The following NFIC variants were observed in gnomAD, a reference collection of about 807,000 sequenced individuals.
The protein encoded by NFIC is nuclear factor 1 C-type.
In NFIC, 12 loss-of-function variants were observed where a neutral mutation model predicts 54.4. The observed-to-expected ratio is 0.22, with a 90% confidence interval of 0.14 to 0.36. The LOEUF is 0.36. Ranked by LOEUF, NFIC falls within the 10% of genes least tolerant of loss-of-function variation. The pLI, the probability that NFIC is intolerant of heterozygous loss-of-function variation, is 1.00. For synonymous variants in NFIC, 322 were observed against 319.2 expected, an observed-to-expected ratio of 1.01 and a Z score of -0.09; for missense variants, 575 against 718.2, an observed-to-expected ratio of 0.80 and a Z score of 2.28.
rs2082667485 is a variant in NFIC at position 3,463,258 on chromosome 19, C to T, written c.*489C>T. ...CCGACAGGCGCGACACCCAGCAAGG[C>T]CACCTCTCCCCGGGCCCCCGCGCCT... On this transcript the variant is annotated 3_prime_UTR_variant, in exon 11 of 11. Coordinates refer to ENST00000443272, the MANE Select transcript of NFIC (RefSeq NM_001245002.2). 1.0e-6 allele frequency: 1 copy of T among 991,072 alleles called. No individual in the cohort carries two copies. The highest frequency in any genetic ancestry group is 1.2e-6 in the Non-Finnish European group (1 of 834,122). 61.4% of individuals were successfully genotyped at this position (991,072 alleles called of 1,614,324 possible).
At chr19:3,446,014 C>A (rs2082368967) in intron 6 of NFIC, among the ~76,000 whole-genome samples, 1 of 152,034 alleles carries the variant, frequency 6.6e-6, no homozygotes, top group African/African-American at 2.4e-5. Flanking sequence ...CCTGCAGTGC[C>A]CAGGACAGCT....
At chr19:3,395,165 C>T (rs2081442432) in intron 2 of NFIC, among the ~76,000 whole-genome samples, 1 of 152,108 alleles carries the variant, frequency 6.6e-6, no homozygotes, top group African/African-American at 2.4e-5. Context: ...TCGAGACCAG[C>T]CTGGCCAACG....
intron 3 of NFIC, among the ~76,000 whole-genome samples, chr19:3,428,040 CATGCCTGTA>C (rs914732655): frequency 2.6e-5 from 4 of 151,520 alleles, no homozygotes; most frequent in African/African-American, 9.7e-5. Flanking sequence ...CGTGGAGGCA[CATGCCTGTA>C]ATCCCAGCTA....
intron 2 of NFIC, among the ~76,000 whole-genome samples, chr19:3,421,040 C>G (rs1271342369): frequency 6.6e-6 from 1 of 152,180 alleles, no homozygotes; most frequent in Non-Finnish European, 1.5e-5. Flanking sequence ...CATTCATTAC[C>G]ATCTTGTCCC....
At chr19:3,385,633 C>G (rs147718357) in intron 2 of NFIC, among the ~76,000 whole-genome samples, 2 of 141,780 alleles carry the variant, frequency 1.4e-5, no homozygotes, top group African/African-American at 5.3e-5. Context: ...AGTGCAATGA[C>G]GCAATCTTGG....
chr19:3,391,274 A>G (rs1454214233), intron 2 of NFIC, among the ~76,000 whole-genome samples: 1 of 152,064 alleles, frequency 6.6e-6, no homozygotes, highest in South Asian at 2.1e-4. Context: ...CCCACCAAAA[A>G]ATGGTAAATT....
At chr19:3,360,437 C>G (rs903847846) in intron 1 of NFIC, among the ~76,000 whole-genome samples, 20 of 151,480 alleles carry the variant, frequency 1.3e-4, no homozygotes, top group South Asian at 4.1e-4. Flanking sequence ...GGTGGCTGCA[C>G]TTGGGGTTCC....
rs574650424 is a variant in NFIC, at chr19:3,453,413, C to T, written c.1270-350C>T. ...GGCCGTGGATGATGGTGGATGATGG[C>T]GTGCTCGCAGTGAATTAGGAAAAAC... On this transcript the variant is annotated intron_variant, in intron 8 of 10. Transcript: ENST00000443272. This position sits in a 1 kb window ranked among gnomAD's most constrained non-coding sequence, Gnocchi z 6.7. 4.6e-4 allele frequency among the ~76,000 whole-genome samples: 70 copies of T among 152,244 alleles called. No individual in the cohort carries two copies. Among genetic ancestry groups the T allele is most frequent in the Non-Finnish European group, 8.4e-4 (57 of 68,022 alleles).
chr19:3,412,411 ATTTATT>A (rs958073771), intron 2 of NFIC, among the ~76,000 whole-genome samples: 2 of 152,112 alleles, frequency 1.3e-5, no homozygotes, highest in Admixed American at 6.6e-5. Flanking sequence ...TGCCCAGCTA[ATTTATT>A]TTTATTTTTA....
At chr19:3,374,977 C>T (rs996124679) in intron 1 of NFIC, among the ~76,000 whole-genome samples, 1 of 151,830 alleles carries the variant, frequency 6.6e-6, no homozygotes, top group Non-Finnish European at 1.5e-5. Flanking sequence ...CTGCCCGCCT[C>T]CCTGGCACCT....
intron 2 of NFIC, among the ~76,000 whole-genome samples, chr19:3,386,544 A>T (rs1006008607): frequency 2.6e-5 from 4 of 151,712 alleles, no homozygotes; most frequent in African/African-American, 9.7e-5. Flanking sequence ...GGTGGTCTGG[A>T]ACTCATGGCC....
rs2082720508 is a variant in NFIC at position 3,466,623 on chromosome 19, TG to T, written c.*3856del. The T allele has an allele frequency of 6.6e-6, 1 of 151,530 alleles. No homozygotes were observed. The highest frequency in any genetic ancestry group is 1.5e-5 in the Non-Finnish European group (1 of 67,944). 9.4% of individuals were successfully genotyped at this position (151,530 alleles called of 1,614,324 possible). ...TATGCATTGGCCAGAGAGCCCGGGC[TG>T]GCTGTGCACAGCATTCATGTAGCTG... On this transcript the variant is annotated 3_prime_UTR_variant, in exon 11 of 11. Transcript: ENST00000443272. This position sits in a 1 kb window ranked among gnomAD's most constrained non-coding sequence, Gnocchi z 4.8.
chr19:3,372,551 G>A (rs916312444), intron 1 of NFIC, among the ~76,000 whole-genome samples: 4 of 152,202 alleles, frequency 2.6e-5, no homozygotes, highest in East Asian at 3.9e-4. Context: ...GGCAGGAAAC[G>A]AGGTGACCAG....
At chr19:3,401,769 T>G (rs1336399111) in intron 2 of NFIC, among the ~76,000 whole-genome samples, 1 of 151,944 alleles carries the variant, frequency 6.6e-6, no homozygotes, top group Non-Finnish European at 1.5e-5. Context: ...TCACCCAGGC[T>G]GGAGTGCAGT....
At chr19:3,435,230 A>G (rs1248499171) in intron 6 of NFIC, 23 bp downstream of exon 6, 1 of 1,551,284 alleles carries the variant, frequency 6.4e-7, no homozygotes. Context: ...GCGGGGGCGG[A>G]GCCGGCCTTC....
intron 1 of NFIC, among the ~76,000 whole-genome samples, chr19:3,379,234 A>AT (rs1314363291): frequency 6.6e-6 from 1 of 151,536 alleles, no homozygotes; most frequent in Non-Finnish European, 1.5e-5. Context: ...TAATTTTTGT[A>AT]TTTTTAGTAG....
upstream of NFIC, among the ~76,000 whole-genome samples, chr19:3,364,098 C>T (rs1357563598): frequency 1.3e-5 from 2 of 152,016 alleles, no homozygotes; most frequent in Non-Finnish European, 1.5e-5. Flanking sequence ...CTTTTGTGCT[C>T]CTGTATCTGG....
intron 6 of NFIC, among the ~76,000 whole-genome samples, chr19:3,438,231 G>A (rs934907493): frequency 2.6e-5 from 4 of 152,056 alleles, no homozygotes; most frequent in South Asian, 2.1e-4. Flanking sequence ...TTTTCTGCCC[G>A]GCTGCTCACT....
intron 6 of NFIC, among the ~76,000 whole-genome samples, chr19:3,441,891 C>T (rs1005035278): frequency 2.6e-5 from 4 of 152,228 alleles, no homozygotes; most frequent in African/African-American, 9.6e-5. Flanking sequence ...ATCCTCCCCC[C>T]ACCCTTCCCT....
Sources: gnomAD v4.1 joint callset for allele counts (sites outside exome capture counted in the v4.1 genomes callset) on GRCh38, gnomAD v4.1.1 for gene constraint, Gnocchi (gnomAD v3.1) non-coding constraint, MANE v1.5 for transcripts, NCBI Gene and HGNC (gene_info 2026-07-23, HGNC 2026-07-21) for gene names.